The following RELN variants were observed in gnomAD, a reference collection of about 807,000 sequenced individuals.
RELN encodes reelin.
RELN carries 108 observed loss-of-function variants against 427.6 expected under a neutral mutation model. The ratio of observed to expected loss-of-function variants is 0.25; its 90% CI spans 0.22 to 0.30. The LOEUF is 0.30. RELN is among the 10% of genes least tolerant of loss of function. RELN has a pLI of 1.00. For missense variants in RELN, 3,715 were observed against 4,302.8 expected (o/e 0.86, Z 3.82); for synonymous variants, 1,524 against 1,513.4 (o/e 1.01, Z -0.16).
intron 41 of RELN, among the ~76,000 whole-genome samples, chr7:103,547,445 C>T (rs1158371670): frequency 2.0e-5 from 3 of 152,046 alleles, no homozygotes; most frequent in Admixed American, 6.5e-5. Context: ...TACAGGCGCC[C>T]GCCACCACGC....
At chr7:103,694,336 C>A (rs1023556045) in intron 10 of RELN, among the ~76,000 whole-genome samples, 1 of 152,104 alleles carries the variant, frequency 6.6e-6, no homozygotes, top group African/African-American at 2.4e-5. Flanking sequence ...GGATTTGAAT[C>A]CTTACCCTGC....
chr7:103,545,958 C>CTA (rs1450308372), intron 41 of RELN, among the ~76,000 whole-genome samples: 4 of 152,040 alleles, frequency 2.6e-5, no homozygotes, highest in African/African-American at 9.7e-5. Flanking sequence ...TTAATACACT[C>CTA]TGTATAACTA....
intron 46 of RELN, among the ~76,000 whole-genome samples, chr7:103,531,324 A>T (rs968152162): frequency 6.6e-6 from 1 of 152,248 alleles, no homozygotes; most frequent in Non-Finnish European, 1.5e-5. Flanking sequence ...TTTATAAATC[A>T]TCTTCTTTCA....
chr7:103,929,455 A>G (rs953150527), intron 1 of RELN, among the ~76,000 whole-genome samples: 4 of 152,204 alleles, frequency 2.6e-5, no homozygotes, highest in Non-Finnish European at 5.9e-5. Context: ...GCAAATATTG[A>G]ACCATTTCTC....
At chr7:103,928,500 T>C (rs1189861377) in intron 1 of RELN, among the ~76,000 whole-genome samples, 1 of 152,212 alleles carries the variant, frequency 6.6e-6, no homozygotes, top group African/African-American at 2.4e-5. Flanking sequence ...GGTCCTGGGA[T>C]AGACCAACTA....
In RELN at chr7:103,710,772, G is replaced by A. The variant is rs572972257; in HGVS notation, c.806-9766C>T. 1.0e-3 allele frequency among the ~76,000 whole-genome samples: 158 copies of A among 152,328 alleles called. 1 individual carries two copies. Among genetic ancestry groups the A allele is most frequent in the African/African-American group, 3.5e-3 (147 of 41,572 alleles). On this transcript the variant is annotated intron_variant, in intron 8 of 64. Transcript: ENST00000428762. ...TTTGAGAGTACATGGCCAGCCGGGC[G>A]TGGTGGCTCATGCCTGTAATCCCAG...
chr7:103,592,971 G>T (rs77175315), intron 27 of RELN, among the ~76,000 whole-genome samples: 1,630 of 152,250 alleles, frequency 0.011, 37 homozygotes, highest in African/African-American at 0.037. Context: ...TTGAAGAGCT[G>T]CCTATAAACA....
chr7:103,584,353 C>T (rs896868439), intron 28 of RELN, among the ~76,000 whole-genome samples: 2 of 152,044 alleles, frequency 1.3e-5, no homozygotes, highest in African/African-American at 4.8e-5. Flanking sequence ...ACAGACTCAA[C>T]ATAAAGGGGT....
At chr7:103,965,006 GA>G (rs1261241220) in intron 1 of RELN, among the ~76,000 whole-genome samples, 2 of 152,202 alleles carry the variant, frequency 1.3e-5, no homozygotes, top group Non-Finnish European at 2.9e-5. Context: ...TTGTGAGGAA[GA>G]AATAATTTAT....
chr7:103,544,188 G>T (rs1584280048), intron 42 of RELN, among the ~76,000 whole-genome samples: 2 of 127,218 alleles, frequency 1.6e-5, no homozygotes, highest in Admixed American at 8.0e-5. Context: ...AATAGAACAA[G>T]TTTACAAAAA....
chr7:103,799,080 A>G (rs1467621643), intron 3 of RELN, among the ~76,000 whole-genome samples: 1 of 152,202 alleles, frequency 6.6e-6, no homozygotes, highest in Non-Finnish European at 1.5e-5. Flanking sequence ...AGCCACACCT[A>G]GTAACAAAAT....
At chr7:103,501,499 T>G (rs1014359553) in intron 52 of RELN, among the ~76,000 whole-genome samples, 3 of 152,200 alleles carry the variant, frequency 2.0e-5, no homozygotes, top group African/African-American at 7.2e-5. Flanking sequence ...TTCTTCTCTG[T>G]CTTCTGGGGG....
chr7:103,941,228 T>C (rs1796107816), intron 1 of RELN, among the ~76,000 whole-genome samples: 1 of 152,226 alleles, frequency 6.6e-6, no homozygotes, highest in African/African-American at 2.4e-5. Context: ...AAGAGAAAGA[T>C]GTATTCAAGT....
intron 4 of RELN, among the ~76,000 whole-genome samples, chr7:103,757,460 G>A (rs1179521799): frequency 1.3e-5 from 2 of 152,056 alleles, no homozygotes; most frequent in Admixed American, 6.6e-5. Context: ...CTTGCATCTT[G>A]CCCAGTTTCT....
chr7:103,750,046 C>T (rs778908520), intron 5 of RELN, among the ~76,000 whole-genome samples: 65 of 152,158 alleles, frequency 4.3e-4, no homozygotes, highest in Admixed American at 3.0e-3. Context: ...GCGGCATGAT[C>T]TTGGCTCACT....
intron 2 of RELN, among the ~76,000 whole-genome samples, chr7:103,914,428 C>T (rs1413240182): frequency 6.6e-6 from 1 of 152,010 alleles, no homozygotes; most frequent in African/African-American, 2.4e-5. Flanking sequence ...CCTATATATC[C>T]CAGATTAATT....
At position 103,654,078 on chromosome 7, in the gene RELN, G is replaced by T; in HGVS notation, c.1554+15C>A. On this transcript the variant is annotated intron_variant, in intron 13 of 64. Coordinates refer to ENST00000428762, the MANE Select transcript of RELN (RefSeq NM_005045.4). ...TCTGAGGTGGTCTATTTGCCACACA[G>T]ACTGGCATGTGTACCTTATATGAGG... is the stretch of plus-strand genomic sequence containing the variant. The T allele has an allele frequency of 7.0e-7, 1 of 1,436,028 alleles. No homozygotes were observed. Among genetic ancestry groups the T allele is most frequent in the Non-Finnish European group, 9.8e-7 (1 of 1,018,134 alleles). The allele number at this position is 1,436,028 out of a possible 1,614,324, so 89.0% of individuals were successfully genotyped here. A position where few individuals can be genotyped will look rare whatever the true frequency, so the allele number is the denominator to read the frequency against.
At chr7:103,835,972 T>A (rs1040562404) in intron 2 of RELN, among the ~76,000 whole-genome samples, 103 of 133,866 alleles carry the variant, frequency 7.7e-4, no homozygotes, top group Non-Finnish European at 1.3e-3. Context: ...TTTTTTTTTT[T>A]ATAGGCGGAG....
intron 63 of RELN, 71 bp from the exon 64 acceptor site, chr7:103,478,465 G>C: frequency 1.4e-6 from 1 of 720,698 alleles, no homozygotes; most frequent in Non-Finnish European, 2.5e-6. Context: ...AATGCATGCA[G>C]CACTGTGATT....
Sources: allele counts gnomAD v4.1 joint callset (sites outside exome capture counted in the v4.1 genomes callset), GRCh38; gene constraint gnomAD v4.1.1; transcripts MANE v1.5; gene names NCBI Gene and HGNC (gene_info 2026-07-23, HGNC 2026-07-21).